Variants in MPPED2 observed in about 807,000 individuals in gnomAD.
MPPED2 encodes metallophosphoesterase domain containing 2.
In MPPED2, 5 loss-of-function variants were observed where a neutral mutation model predicts 33.0. The observed-to-expected ratio is 0.15, with a 90% confidence interval of 0.08 to 0.32. The LOEUF is 0.32. Among genes scored for constraint, MPPED2 ranks in the 10% least tolerant of loss-of-function variants. The probability of loss-of-function intolerance (pLI) is 1.00; values close to 1 mark genes in which losing one functional copy is unlikely to be tolerated. For missense variants in MPPED2, 275 were observed against 372.1 expected (o/e 0.74, Z 2.15); for synonymous variants, 136 against 141.9 (o/e 0.96, Z 0.29).
chr11:30,417,438 A>G, intron 5 of MPPED2, 80 bp downstream of exon 5: 4 of 596,952 alleles, frequency 6.7e-6, no homozygotes, highest in Non-Finnish European at 8.7e-6. Context: ...GAGGAAAATG[A>G]TTATGTCCCT....
chr11:30,533,367 A>G (rs572217901), intron 3 of MPPED2, among the ~76,000 whole-genome samples: 1 of 152,270 alleles, frequency 6.6e-6, no homozygotes, highest in South Asian at 2.1e-4. Context: ...GTTTTCAATA[A>G]TCAGGGTAGT....
chr11:30,569,455 A>G (rs1362870216), intron 2 of MPPED2, among the ~76,000 whole-genome samples: 1 of 152,176 alleles, frequency 6.6e-6, no homozygotes, highest in Non-Finnish European at 1.5e-5. Context: ...TCTTCTCTCT[A>G]AGTTTATTGA....
chr11:30,481,203 T>C (rs898093476), intron 4 of MPPED2, among the ~76,000 whole-genome samples: 1 of 152,130 alleles, frequency 6.6e-6, no homozygotes, highest in Non-Finnish European at 1.5e-5. Flanking sequence ...GACTATAATA[T>C]GAATAATGCC....
At chr11:30,504,929 TGGTCCACTGCA>T (rs1259445255) in intron 3 of MPPED2, 1 of 577,368 alleles carries the variant, frequency 1.7e-6, no homozygotes, top group Admixed American at 2.4e-5. Flanking sequence ...GAAAGCCCGG[TGGTCCACTGCA>T]GGAATGAGCA....
At chr11:30,451,928 A>T in intron 4 of MPPED2, 2 of 985,358 alleles carry the variant, frequency 2.0e-6, no homozygotes, top group Non-Finnish European at 2.4e-6. Context: ...TTGATTTCTT[A>T]AATTGAGAAT....
intron 2 of MPPED2, among the ~76,000 whole-genome samples, chr11:30,577,675 A>T (rs1159240606): frequency 6.6e-6 from 1 of 152,218 alleles, no homozygotes; most frequent in African/African-American, 2.4e-5. Context: ...ACCACCTACC[A>T]TAGGTCAGTC....
intron 2 of MPPED2, among the ~76,000 whole-genome samples, chr11:30,561,435 T>C (rs977399987): frequency 6.6e-6 from 1 of 152,210 alleles, no homozygotes; most frequent in Non-Finnish European, 1.5e-5. Context: ...ATGCCATCTC[T>C]GAACTTCCCA....
At chr11:30,415,053 T>G (rs930270102) in intron 5 of MPPED2, among the ~76,000 whole-genome samples, 35 of 152,166 alleles carry the variant, frequency 2.3e-4, no homozygotes, top group Non-Finnish European at 1.0e-4. Flanking sequence ...TGGAATGGAA[T>G]CCATACGCCT....
At chr11:30,527,342 T>C (rs1412769855) in intron 3 of MPPED2, among the ~76,000 whole-genome samples, 1 of 151,618 alleles carries the variant, frequency 6.6e-6, no homozygotes, top group Non-Finnish European at 1.5e-5. Flanking sequence ...GAACCATGCC[T>C]GGAAAGTATT....
At chr11:30,468,256 A>ACTCT (rs3837402) in intron 4 of MPPED2, among the ~76,000 whole-genome samples, 1,978 of 142,874 alleles carry the variant, frequency 0.014, 21 homozygotes, top group African/African-American at 0.02. Context: ...ACACACACAC[A>ACTCT]CTCTCTCTCT....
intron 3 of MPPED2, among the ~76,000 whole-genome samples, chr11:30,533,091 G>T (rs1427521639): frequency 1.3e-5 from 2 of 152,172 alleles, no homozygotes; most frequent in Admixed American, 6.5e-5. Flanking sequence ...GCTTCCAGAT[G>T]CCACAAGCCC....
At chr11:30,503,471 A>G (rs1307506991) in intron 3 of MPPED2, among the ~76,000 whole-genome samples, 1 of 152,166 alleles carries the variant, frequency 6.6e-6, no homozygotes, top group African/African-American at 2.4e-5. Flanking sequence ...CACAATCATC[A>G]GGTCGTGGTT....
intron 3 of MPPED2, among the ~76,000 whole-genome samples, chr11:30,524,515 G>A (rs1054080205): frequency 1.3e-5 from 2 of 152,180 alleles, no homozygotes; most frequent in Admixed American, 6.5e-5. Flanking sequence ...GTCTTCATCA[G>A]TAAAAATGGT....
At chr11:30,533,758 C>T (rs1459500911) in intron 3 of MPPED2, among the ~76,000 whole-genome samples, 2 of 152,186 alleles carry the variant, frequency 1.3e-5, no homozygotes, top group Non-Finnish European at 2.9e-5. Flanking sequence ...CCTCTTCCTC[C>T]TGTCTCACCA....
chr11:30,510,374 A>G (rs189414718), intron 3 of MPPED2, among the ~76,000 whole-genome samples: 2 of 152,252 alleles, frequency 1.3e-5, no homozygotes, highest in African/African-American at 4.8e-5. Context: ...CTCAATGGTA[A>G]AGTTCTTCCA....
intron 6 of MPPED2, among the ~76,000 whole-genome samples, chr11:30,411,889 T>G (rs1487736699): frequency 6.6e-6 from 1 of 152,138 alleles, no homozygotes; most frequent in East Asian, 1.9e-4. Context: ...TTTTTCCTCC[T>G]TTTAAAATAG....
At position 30,453,768 on chromosome 11, in the gene MPPED2, C is replaced by T. The variant is rs556487765; in HGVS notation, c.537-36135G>A. Among the ~76,000 whole-genome samples the T allele has an allele frequency of 1.6e-3, 248 of 152,290 alleles. 1 individual carries two copies. Among genetic ancestry groups the T allele is most frequent in the African/African-American group, 5.6e-3 (233 of 41,544 alleles). ...TGTTTCCCCACTTGGCTTGAAAGGG[C>T]AAATGCCCTCCTGCTATGTCTAACT... On this transcript the variant is annotated intron_variant, in intron 4 of 6. Coordinates refer to ENST00000358117, the MANE Select transcript of MPPED2 (RefSeq NM_001584.3).
intron 3 of MPPED2, among the ~76,000 whole-genome samples, chr11:30,523,857 A>C (rs1432805706): frequency 6.6e-6 from 1 of 152,156 alleles, no homozygotes; most frequent in African/African-American, 2.4e-5. Flanking sequence ...CTCACCAAAG[A>C]GGTGGCATTT....
intron 2 of MPPED2, among the ~76,000 whole-genome samples, chr11:30,565,249 C>T (rs1837202001): frequency 6.6e-6 from 1 of 152,094 alleles, no homozygotes; most frequent in South Asian, 2.1e-4. Context: ...TGAGATTCCG[C>T]TTGGCCCTAA....
Sources: gnomAD v4.1 joint callset for allele counts (sites outside exome capture counted in the v4.1 genomes callset) on GRCh38, gnomAD v4.1.1 for gene constraint, MANE v1.5 for transcripts, NCBI Gene and HGNC (gene_info 2026-07-23, HGNC 2026-07-21) for gene names.